The following ASGR1 variants were observed in gnomAD, a reference collection of about 807,000 sequenced individuals.
The protein encoded by ASGR1 is asialoglycoprotein receptor 1, also known as C-type lectin domain family 4 member H1.
A neutral mutation model predicts 33.1 loss-of-function variants in ASGR1; 35 were observed. The ratio of observed to expected loss-of-function variants is 1.06; its 90% CI spans 0.81 to 1.40. The LOEUF is 1.40. Among genes scored for constraint, ASGR1 ranks in the 40% most tolerant of loss-of-function variants. The probability of loss-of-function intolerance (pLI) is 0.00; values close to 1 mark genes in which losing one functional copy is unlikely to be tolerated. For synonymous variants in ASGR1, 142 were observed against 152.5 expected, an observed-to-expected ratio of 0.93 and a Z score of 0.51; for missense variants, 396 against 373.7, an observed-to-expected ratio of 1.06 and a Z score of -0.49.
At chr17:7,176,593 C>G in intron 5 of ASGR1, 1 of 597,456 alleles carries the variant, frequency 1.7e-6, no homozygotes, top group Non-Finnish European at 3.0e-6. Flanking sequence ...CACACACACT[C>G]CATCTCATTC....
chr17:7,178,397 A>G, intron 2 of ASGR1, 97 bp downstream of exon 2: 1 of 1,281,688 alleles, frequency 7.8e-7, no homozygotes, highest in Non-Finnish European at 1.1e-6. Flanking sequence ...AGACCCAGAG[A>G]GAGAGCCAGG....
intron 2 of ASGR1, 153 bp downstream of exon 2, chr17:7,178,341 G>A (rs1293350233): frequency 7.4e-6 from 6 of 806,292 alleles, no homozygotes; most frequent in African/African-American, 1.7e-5. Flanking sequence ...CCCCTCTCCT[G>A]AGAGAGGCAG....
chr17:7,176,820 CCTCT>C lies in ASGR1; in HGVS notation c.355+6_355+9del, dbSNP rs1179740363. The C allele has an allele frequency of 3.1e-6, 5 of 1,590,432 alleles. No individual in the cohort carries two copies. In the African/African-American group the frequency reaches 4.7e-5, roughly 15 times the overall value. On this transcript the variant is annotated splice_donor_region_variant and intron_variant, in intron 5 of 8. Coordinates refer to ENST00000269299, the MANE Select transcript of ASGR1 (RefSeq NM_001671.5). ...CACACACACACACACACACACACTCCCTCTCTGACCTTCACTCAGGTCCTTCTGC... is the reference window on the plus strand; with the variant it reads ...CACACACACACACACACACACACTCCCTGACCTTCACTCAGGTCCTTCTGC...
intron 1 of ASGR1, 150 bp from the exon 2 acceptor site, chr17:7,178,738 C>CT (rs573140945): frequency 0.053 from 4,760 of 90,536 alleles, 39 homozygotes; most frequent in East Asian, 0.22. Context: ...TTTTTCTTTT[C>CT]TTTTTTTTTT....
In ASGR1 at chr17:7,177,207, C is replaced by G; in HGVS notation, c.187+3G>C. ...GCCCCCTTCCCACCCCTGGGGCACCCACTTTGGGATCCGATCACACAGACA... is the reference window on the plus strand; with the variant it reads ...GCCCCCTTCCCACCCCTGGGGCACCGACTTTGGGATCCGATCACACAGACA... On this transcript the variant is annotated splice_donor_region_variant and intron_variant, in intron 3 of 8. Transcript: ENST00000269299. 6.2e-7 allele frequency: 1 copy of G among 1,613,628 alleles called. No homozygotes were observed. Among genetic ancestry groups the G allele is most frequent in the East Asian group, 2.2e-5 (1 of 44,826 alleles).
intron 2 of ASGR1, 173 bp from the exon 3 acceptor site, chr17:7,177,499 G>T: frequency 1.7e-6 from 1 of 588,744 alleles, no homozygotes; most frequent in East Asian, 2.9e-5. Context: ...TGGAAATCGG[G>T]GAGAAAAGAG....
At chr17:7,175,724 CACAG>C (rs746037516) in intron 5 of ASGR1, among the ~76,000 whole-genome samples, 92 of 150,832 alleles carry the variant, frequency 6.1e-4, no homozygotes, top group Non-Finnish European at 1.1e-3. Flanking sequence ...CACATAAACA[CACAG>C]ACTCTCCCAC....
intron 3 of ASGR1, 42 bp from the exon 4 acceptor site, chr17:7,177,118 G>T: frequency 6.2e-7 from 1 of 1,613,294 alleles, no homozygotes; most frequent in Non-Finnish European, 8.5e-7. Flanking sequence ...CGGGATCGCT[G>T]TGTCCGCCAC....
rs2069231316 is a variant in ASGR1, at chr17:7,177,391, T to C, written c.71-65A>G. ...GGACCCTGGCACAGCTCCAGGGTCC[T>C]AAAAGGGTAGCAAGCTAAGGCGGCC... is the stretch of plus-strand genomic sequence containing the variant. On this transcript the variant is annotated intron_variant, in intron 2 of 8. Transcript: ENST00000269299. The C allele has an allele frequency of 3.7e-6, 5 of 1,362,632 alleles. No individual in the cohort carries two copies. The Admixed American group carries it at 1.0e-4, about 28-fold the overall frequency. 84.4% of individuals were successfully genotyped at this position (1,362,632 alleles called of 1,614,324 possible).
chr17:7,178,384 G>T, intron 2 of ASGR1, 110 bp downstream of exon 2: 2 of 1,154,800 alleles, frequency 1.7e-6, no homozygotes, highest in South Asian at 1.3e-5. Flanking sequence ...GGGGGAGGGA[G>T]ACAGACCCAG....
At chr17:7,176,678 ACT>A in intron 5 of ASGR1, 150 bp downstream of exon 5, 2 of 1,086,114 alleles carry the variant, frequency 1.8e-6, no homozygotes, top group Non-Finnish European at 2.6e-6. Flanking sequence ...CCCAAAACAC[ACT>A]CCCCCTCATT....
At chr17:7,174,520 G>C (rs2069171930) in intron 5 of ASGR1, 60 bp from the exon 6 acceptor site, 4 of 1,543,672 alleles carry the variant, frequency 2.6e-6, no homozygotes, top group Middle Eastern at 1.9e-4. Flanking sequence ...GAGGGAAACG[G>C]GAAACGAGGT....
intron 5 of ASGR1, 85 bp downstream of exon 5, chr17:7,176,745 C>T: frequency 1.3e-6 from 2 of 1,560,750 alleles, no homozygotes; most frequent in Non-Finnish European, 1.7e-6. Flanking sequence ...CACACATCCA[C>T]ACACACTCAC....
chr17:7,175,643 ACT>A (rs1464585521), intron 5 of ASGR1, among the ~76,000 whole-genome samples: 2 of 151,496 alleles, frequency 1.3e-5, no homozygotes, highest in African/African-American at 2.4e-5. Context: ...TCTCACATAC[ACT>A]GACACATTCT....
At chr17:7,175,135 TACAC>T (rs940958197) in intron 5 of ASGR1, among the ~76,000 whole-genome samples, 76 of 130,670 alleles carry the variant, frequency 5.8e-4, no homozygotes, top group Admixed American at 1.6e-3. Flanking sequence ...CTAACCCACA[TACAC>T]ACAACACACA....
In ASGR1 at chr17:7,176,680, TC is replaced by T. The variant is rs533646735; in HGVS notation, c.355+149del. On this transcript the variant is annotated intron_variant, in intron 5 of 8. Transcript: ENST00000269299. ...TCTCATACACACACCCAAAACACAC[TC>T]CCCCTCATTCTCACACACAGACTCA... 2.1e-4 allele frequency: 240 copies of T among 1,119,752 alleles called. 1 individual carries two copies. The African/African-American group carries it at 4.0e-3, about 18-fold the overall frequency. The allele number at this position is 1,119,752 out of a possible 1,614,324, so 69.4% of individuals were successfully genotyped here. A position where few individuals can be genotyped will look rare whatever the true frequency, so the allele number is the denominator to read the frequency against.
In ASGR1 at chr17:7,178,570, G is replaced by A. The variant is rs757577814; in HGVS notation, c.-7C>T. ...CTTGATACTCCTTGGTCATGATAGGGCTGGCGCTGGACCTGGGACTGAGTC... is the reference window on the plus strand; with the variant it reads ...CTTGATACTCCTTGGTCATGATAGGACTGGCGCTGGACCTGGGACTGAGTC... On this transcript the variant is annotated 5_prime_UTR_variant, in exon 2 of 9. Transcript: ENST00000269299. 2 of 1,613,702 alleles carry A rather than the reference G, an allele frequency of 1.2e-6. No homozygotes were observed. Among genetic ancestry groups the A allele is most frequent in the Non-Finnish European group, 1.7e-6 (2 of 1,179,796 alleles).
chr17:7,178,796 G>A (rs765752425), intron 1 of ASGR1: 10 of 398,322 alleles, frequency 2.5e-5, no homozygotes, highest in Non-Finnish European at 3.9e-5. Context: ...GAGTGCAGTG[G>A]CATGATCTCA....
chr17:7,177,370 C>CT, intron 2 of ASGR1, 44 bp from the exon 3 acceptor site: 1 of 1,519,320 alleles, frequency 6.6e-7, no homozygotes, highest in South Asian at 1.1e-5. Context: ...CAGAGGGGAC[C>CT]CTGGCACAGC....
Sources: allele counts gnomAD v4.1 joint callset (sites outside exome capture counted in the v4.1 genomes callset), GRCh38; gene constraint gnomAD v4.1.1; transcripts MANE v1.5; gene names NCBI Gene and HGNC (gene_info 2026-07-23, HGNC 2026-07-21).